The following YIPF1 variants were observed in gnomAD, a reference collection of about 807,000 sequenced individuals.
The protein encoded by YIPF1 is protein YIPF1.
In YIPF1, 22 loss-of-function variants were observed where a neutral mutation model predicts 37.0. The observed-to-expected ratio is 0.59, with a 90% CI of 0.42 to 0.85. The LOEUF is 0.85. YIPF1 is among the 40% of genes least tolerant of loss of function. YIPF1 has a pLI of 0.00. For synonymous variants in YIPF1, 128 were observed against 131.9 expected (o/e 0.97, Z 0.21); for missense variants, 355 against 373.1 (o/e 0.95, Z 0.40).
intron 9 of YIPF1, among the ~76,000 whole-genome samples, chr1:53,862,887 C>A (rs527823943): frequency 6.6e-6 from 1 of 152,304 alleles, no homozygotes; most frequent in South Asian, 2.1e-4. Flanking sequence ...AATCACCCAA[C>A]CAGGTGACAG....
At chr1:53,882,572 C>T (rs1650530915) in intron 4 of YIPF1, among the ~76,000 whole-genome samples, 1 of 152,090 alleles carries the variant, frequency 6.6e-6, no homozygotes, top group African/African-American at 2.4e-5. Context: ...ATCCTCCCAC[C>T]TTAGTTTCCC....
Position 53,888,944 on chromosome 1 carries a change from A to G in YIPF1, c.-7T>C. ...AGTCATCTACTGCTGCCATTCGGCCAGTGAGTCTTCTCCCAATTATGAGGA... is the reference window on the plus strand; with the variant it reads ...AGTCATCTACTGCTGCCATTCGGCCGGTGAGTCTTCTCCCAATTATGAGGA... On this transcript the variant is annotated 5_prime_UTR_variant, in exon 3 of 11. Transcript: ENST00000072644. 2 of 1,598,184 alleles carry G rather than the reference A, an allele frequency of 1.3e-6. No individual in the cohort carries two copies. Among genetic ancestry groups the G allele is most frequent in the Non-Finnish European group, 8.6e-7 (1 of 1,166,936 alleles).
chr1:53,880,377 GAA>G (rs1469424750), intron 4 of YIPF1, among the ~76,000 whole-genome samples: 3 of 152,016 alleles, frequency 2.0e-5, no homozygotes, highest in Non-Finnish European at 4.4e-5. Flanking sequence ...CCTCTTCAAA[GAA>G]AACTATAAAC....
intron 9 of YIPF1, among the ~76,000 whole-genome samples, chr1:53,865,925 G>A (rs1029698787): frequency 6.6e-6 from 1 of 151,996 alleles, no homozygotes; most frequent in Non-Finnish European, 1.5e-5. Context: ...AGCTACTTGC[G>A]ATGCTGAGGT....
At chr1:53,874,777 T>C (rs552657768) in intron 6 of YIPF1, among the ~76,000 whole-genome samples, 4 of 151,980 alleles carry the variant, frequency 2.6e-5, no homozygotes, top group South Asian at 2.1e-4. Context: ...AAAAAATATA[T>C]ATATATTTTT....
intron 10 of YIPF1, among the ~76,000 whole-genome samples, chr1:53,856,236 G>A (rs1007757163): frequency 6.6e-6 from 1 of 152,216 alleles, no homozygotes; most frequent in Non-Finnish European, 1.5e-5. Context: ...CGTCAAATCT[G>A]TGTACACCAG....
intron 7 of YIPF1, among the ~76,000 whole-genome samples, chr1:53,869,518 G>A (rs1650121319): frequency 6.6e-6 from 1 of 152,148 alleles, no homozygotes; most frequent in Non-Finnish European, 1.5e-5. Flanking sequence ...GCCCAACAGA[G>A]TAGAAGCTAG....
At chr1:53,861,108 G>C (rs1649861957) in intron 9 of YIPF1, among the ~76,000 whole-genome samples, 1 of 152,230 alleles carries the variant, frequency 6.6e-6, no homozygotes, top group South Asian at 2.1e-4. Context: ...TCCCCTACCT[G>C]TTGCTATTCC....
intron 10 of YIPF1, among the ~76,000 whole-genome samples, chr1:53,855,545 G>A (rs570205299): frequency 2.6e-5 from 4 of 152,230 alleles, no homozygotes; most frequent in East Asian, 3.9e-4. Context: ...AACAGACCAC[G>A]TATACAATGG....
intron 3 of YIPF1, among the ~76,000 whole-genome samples, chr1:53,886,972 C>T (rs1033453582): frequency 6.6e-6 from 1 of 151,936 alleles, no homozygotes; most frequent in African/African-American, 2.4e-5. Context: ...ACAGCCCATG[C>T]AGCTTGGGCA....
At chr1:53,877,260 TGG>T (rs1283985891) in intron 6 of YIPF1, among the ~76,000 whole-genome samples, 31 of 152,214 alleles carry the variant, frequency 2.0e-4, no homozygotes, top group African/African-American at 7.2e-4. Flanking sequence ...ATGAAAAGCA[TGG>T]GCCAGTGCAA....
At chr1:53,888,152 G>T (rs1055215266) in intron 3 of YIPF1, among the ~76,000 whole-genome samples, 2 of 152,172 alleles carry the variant, frequency 1.3e-5, no homozygotes, top group Admixed American at 6.5e-5. Context: ...TCTGAACCCG[G>T]GAGGCAGAGG....
chr1:53,889,027 T>C (rs747540440), intron 2 of YIPF1, 41 bp from the exon 3 acceptor site: 2 of 1,153,946 alleles, frequency 1.7e-6, no homozygotes, highest in East Asian at 2.4e-5. Flanking sequence ...GATGACAGTA[T>C]AAAGTATCTG....
intron 9 of YIPF1, among the ~76,000 whole-genome samples, chr1:53,862,040 T>C (rs1649897544): frequency 6.6e-6 from 1 of 152,196 alleles, no homozygotes; most frequent in Non-Finnish European, 1.5e-5. Context: ...CTTAGGGCCA[T>C]TCCTTGAACA....
In YIPF1 at chr1:53,879,123, C is replaced by G. The variant is rs189582622; in HGVS notation, c.196-401G>C. Among the ~76,000 whole-genome samples the G allele has an allele frequency of 7.1e-3, 1,071 of 150,768 alleles. 12 individuals are homozygous for G. Among genetic ancestry groups the G allele is most frequent in the African/African-American group, 0.024 (999 of 40,998 alleles). Reference sequence around the variant, plus strand: ...TCGCTTTTTTTTTTTGAGATGGCGTCTCACTCTCTTTCCCAAGCTGGAGTG... The same window carrying G: ...TCGCTTTTTTTTTTTGAGATGGCGTGTCACTCTCTTTCCCAAGCTGGAGTG... On this transcript the variant is annotated intron_variant, in intron 4 of 10. Transcript: ENST00000072644.
At chr1:53,858,778 G>A (rs1469809384) in intron 10 of YIPF1, among the ~76,000 whole-genome samples, 1 of 152,118 alleles carries the variant, frequency 6.6e-6, no homozygotes, top group Non-Finnish European at 1.5e-5. Context: ...GGGACTACAG[G>A]AGCATGCCAC....
intron 9 of YIPF1, 25 bp from the exon 10 acceptor site, chr1:53,860,178 G>T: frequency 6.2e-7 from 1 of 1,612,348 alleles, no homozygotes; most frequent in South Asian, 1.1e-5. Flanking sequence ...AGACCCAGGA[G>T]GGAGTTAAAA....
rs1430465523 is a variant in YIPF1 at position 53,878,645 on chromosome 1, G to A, written c.273C>T (p.Tyr91=). 1 of 1,603,052 alleles carries A rather than the reference G, an allele frequency of 6.2e-7. No individual in the cohort carries two copies. The change falls in exon 5 of 11, where the codon TAC becomes TAT. Residue 91 remains tyrosine (Y), a synonymous_variant. Coordinates refer to ENST00000072644, the MANE Select transcript of YIPF1 (RefSeq NM_018982.5). The stretch of plus-strand genomic sequence containing the variant: ...AAGGTGAAATTGGTTTCCAAACCTG[G>A]TAGGTGTCCACATCAAAGAATGTTT... ...YYQTFFDVDT[Y]QVFDRIKGSL... is the part of the protein sequence containing the mutation.
intron 7 of YIPF1, 82 bp from the exon 8 acceptor site, chr1:53,867,006 T>C: frequency 6.8e-7 from 1 of 1,477,078 alleles, no homozygotes; most frequent in Non-Finnish European, 9.1e-7. Flanking sequence ...TTATTGTACT[T>C]AAATGCTAAC....
Sources: allele counts gnomAD v4.1 joint callset (sites outside exome capture counted in the v4.1 genomes callset), GRCh38; gene constraint gnomAD v4.1.1; transcripts MANE v1.5; gene names NCBI Gene and HGNC (gene_info 2026-07-23, HGNC 2026-07-21).